Variants in TBX5 observed in about 807,000 individuals in gnomAD.
The protein encoded by TBX5 is T-box transcription factor 5.
A neutral mutation model predicts 51.1 loss-of-function variants in TBX5; 8 were observed. That is an observed-to-expected ratio of 0.16 (90% CI 0.09 to 0.28). TBX5 has a LOEUF of 0.28. TBX5 is among the 10% of genes least tolerant of loss of function. TBX5 has a pLI of 1.00. For missense variants in TBX5, 589 were observed against 671.7 expected, an observed-to-expected ratio of 0.88 and a Z score of 1.36; for synonymous variants, 302 against 266.4, an observed-to-expected ratio of 1.13 and a Z score of -1.30.
At chr12:114,403,663 T>C (rs1871983219) in intron 2 of TBX5, 89 bp downstream of exon 2, 1 of 1,537,924 alleles carries the variant, frequency 6.5e-7, no homozygotes, top group African/African-American at 1.4e-5. Context: ...ATTTTGTTTT[T>C]GTTCTGTCCC....
intron 7 of TBX5, among the ~76,000 whole-genome samples, chr12:114,379,925 C>G (rs1415812076): frequency 6.6e-6 from 1 of 152,334 alleles, no homozygotes; most frequent in East Asian, 1.9e-4. Flanking sequence ...GATGCTGTCT[C>G]CTGGAATCCC....
intron 7 of TBX5, among the ~76,000 whole-genome samples, chr12:114,368,777 G>C (rs1263261521): frequency 6.6e-6 from 1 of 152,164 alleles, no homozygotes; most frequent in Non-Finnish European, 1.5e-5. Context: ...AAGCACACCA[G>C]AGTGGCCAGG....
At chr12:114,406,561 T>A (rs1368669611), upstream of TBX5, among the ~76,000 whole-genome samples, 1 of 151,396 alleles carries the variant, frequency 6.6e-6, no homozygotes, top group Non-Finnish European at 1.5e-5. Context: ...TGGCCGGCGC[T>A]CGCCTTCCTG....
chr12:114,394,634 G>A, intron 6 of TBX5, 107 bp downstream of exon 6: 2 of 1,506,010 alleles, frequency 1.3e-6, no homozygotes, highest in Non-Finnish European at 1.8e-6. Context: ...CGAAGTTGGT[G>A]ACTGCTGCCA....
At chr12:114,372,305 T>C (rs926861097) in intron 7 of TBX5, among the ~76,000 whole-genome samples, 6 of 152,010 alleles carry the variant, frequency 3.9e-5, no homozygotes, top group Non-Finnish European at 7.4e-5. Context: ...CCATTGTCGG[T>C]TTTTTTCTTT....
intron 8 of TBX5, among the ~76,000 whole-genome samples, chr12:114,360,576 A>AT (rs1201987018): frequency 7.1e-6 from 1 of 141,392 alleles, no homozygotes; most frequent in African/African-American, 2.7e-5. Context: ...GGGTGGGGGG[A>AT]TGGATAAGTG....
chr12:114,385,670 G>A (rs146807097), intron 6 of TBX5, 103 bp from the exon 7 acceptor site: 2 of 999,346 alleles, frequency 2.0e-6, no homozygotes, highest in East Asian at 5.0e-5. Context: ...TGCAGCCTCT[G>A]GCAACCAAAA....
At chr12:114,401,146 C>T (rs1193206905) in intron 3 of TBX5, among the ~76,000 whole-genome samples, 2 of 152,180 alleles carry the variant, frequency 1.3e-5, no homozygotes, top group Non-Finnish European at 2.9e-5. Flanking sequence ...CCTCCTCCCC[C>T]AGAAGTCTAG....
At chr12:114,366,440 AT>A in intron 7 of TBX5, 49 bp from the exon 8 acceptor site, 1 of 1,583,714 alleles carries the variant, frequency 6.3e-7, no homozygotes, top group Non-Finnish European at 8.7e-7. Flanking sequence ...CCTGATACAG[AT>A]TTCCTGAGTG....
At chr12:114,385,105 A>AC (rs774533507) in intron 7 of TBX5, among the ~76,000 whole-genome samples, 6 of 7,710 alleles carry the variant, frequency 7.8e-4, no homozygotes, top group Non-Finnish European at 1.8e-3. Context: ...AGCTGTTGCC[A>AC]AAAAAAAAAA....
chr12:114,388,358 T>C (rs904923212), intron 6 of TBX5, among the ~76,000 whole-genome samples: 1 of 152,216 alleles, frequency 6.6e-6, no homozygotes, highest in Non-Finnish European at 1.5e-5. Context: ...GGTTTTAACA[T>C]GTTGGCCAGG....
At chr12:114,406,280 T>C (rs900563849), upstream of TBX5, among the ~76,000 whole-genome samples, 3 of 134,338 alleles carry the variant, frequency 2.2e-5, no homozygotes, top group African/African-American at 8.3e-5. Flanking sequence ...ACAATACGAC[T>C]CTCAACACAG....
chr12:114,357,771 T>A (rs140570133), intron 8 of TBX5, among the ~76,000 whole-genome samples: 1 of 152,358 alleles, frequency 6.6e-6, no homozygotes, highest in African/African-American at 2.4e-5. Context: ...CCTTCCAAAC[T>A]GAAAATTCTC....
At chr12:114,362,473 C>T (rs1869294518) in intron 8 of TBX5, among the ~76,000 whole-genome samples, 2 of 152,084 alleles carry the variant, frequency 1.3e-5, no homozygotes, top group Admixed American at 6.5e-5. Flanking sequence ...TCTCCCTCAG[C>T]CAAGGGGCTT....
At chr12:114,405,464 T>C (rs1872148303) in intron 1 of TBX5, among the ~76,000 whole-genome samples, 164 bp downstream of exon 1, 1 of 152,056 alleles carries the variant, frequency 6.6e-6, no homozygotes, top group Non-Finnish European at 1.5e-5. Context: ...CGCGGCGGCC[T>C]CCCAGACTCC....
rs776523515 is a variant in TBX5 at position 114,398,645 on chromosome 12, C to G, written c.438G>C (p.Ala146=). 17 of 1,613,366 alleles carry G rather than the reference C, an allele frequency of 1.1e-5. No individual in the cohort carries two copies. The highest frequency in any genetic ancestry group is 1.4e-5 in the Non-Finnish European group (17 of 1,179,790). ...YVHPDSPATG[A]HWMRQLVSFQ... Reference sequence around the variant, plus strand: ...AGGAGACGAGCTGCCTCATCCAATGCGCCCCGGTGGCGGGGGAGTCTGGGT... The same window carrying G: ...AGGAGACGAGCTGCCTCATCCAATGGGCCCCGGTGGCGGGGGAGTCTGGGT... Residue 146 remains alanine, a synonymous_variant, in exon 5 of 9, where the codon GCG becomes GCC. Transcript: ENST00000405440.
chr12:114,370,476 A>G (rs934290001), intron 7 of TBX5, among the ~76,000 whole-genome samples: 5 of 152,158 alleles, frequency 3.3e-5, no homozygotes, highest in Non-Finnish European at 7.3e-5. Flanking sequence ...AATACTTTAA[A>G]AAAAGCACAC....
intron 7 of TBX5, among the ~76,000 whole-genome samples, chr12:114,367,753 C>T (rs1474549271): frequency 6.6e-6 from 1 of 152,150 alleles, no homozygotes; most frequent in African/African-American, 2.4e-5. Context: ...CCCCTAACAT[C>T]CCATATCCAG....
rs376519728 is a variant in TBX5 at position 114,385,562 on chromosome 12, C to T, written c.669G>A (p.Thr223=). 4.3e-5 allele frequency: 69 copies of T among 1,613,764 alleles called. No individual in the cohort carries two copies. In the East Asian group the frequency reaches 5.8e-4, roughly 14 times the overall value. ...AGGGATTATTCTCAATCTTTAATTGCGTGATCTGAAGGAAAGAGGAAGAGA... is the reference window on the plus strand; with the variant it reads ...AGGGATTATTCTCAATCTTTAATTGTGTGATCTGAAGGAAAGAGGAAGAGA... ...AVTSYQNHKI[T]QLKIENNPFA... Residue 223 remains threonine (T), a synonymous_variant, in exon 7 of 9, where the codon ACG becomes ACA. Transcript: ENST00000405440.
Sources: gnomAD v4.1 joint callset for allele counts (sites outside exome capture counted in the v4.1 genomes callset) on GRCh38, gnomAD v4.1.1 for gene constraint, MANE v1.5 for transcripts, NCBI Gene and HGNC (gene_info 2026-07-23, HGNC 2026-07-21) for gene names.